The following DDX19B variants were observed in gnomAD, a reference collection of about 807,000 sequenced individuals.
The protein encoded by DDX19B is ATP-dependent RNA helicase DDX19B.
In DDX19B, 27 loss-of-function variants were observed where a neutral mutation model predicts 58.1. The ratio of observed to expected loss-of-function variants is 0.46; its 90% CI spans 0.34 to 0.64. The LOEUF (loss-of-function observed/expected upper bound fraction) is 0.64, where lower values mean the gene tolerates loss of function less well. DDX19B is among the 30% of genes least tolerant of loss of function. The pLI is 0.01. For synonymous variants in DDX19B, 187 were observed against 214.4 expected (o/e 0.87, Z 1.12); for missense variants, 399 against 596.5 (o/e 0.67, Z 3.45).
At chr16:70,327,621 T>C (rs1963240325) in intron 7 of DDX19B, among the ~76,000 whole-genome samples, 1 of 151,610 alleles carries the variant, frequency 6.6e-6, no homozygotes, top group South Asian at 2.1e-4. Flanking sequence ...GGTCTAGAAC[T>C]CCAAGTCTCA....
intron 5 of DDX19B, among the ~76,000 whole-genome samples, chr16:70,318,551 G>A: frequency 6.6e-6 from 1 of 152,146 alleles, no homozygotes; most frequent in Non-Finnish European, 1.5e-5. Context: ...CAGCACTTTG[G>A]GAGGCCGAGG....
intron 2 of DDX19B, among the ~76,000 whole-genome samples, chr16:70,314,041 A>C (rs1057194660): frequency 5.9e-5 from 9 of 152,104 alleles, no homozygotes; most frequent in African/African-American, 2.2e-4. Flanking sequence ...CCTGGGAGGC[A>C]GAGGTTGCAG....
At chr16:70,314,835 T>C in intron 2 of DDX19B, 67 bp from the exon 3 acceptor site, 4 of 1,569,538 alleles carry the variant, frequency 2.5e-6, no homozygotes, top group Non-Finnish European at 3.5e-6. Flanking sequence ...TGTCATAGAA[T>C]TTGAATTGTC....
chr16:70,312,556 C>G (rs183188399), intron 1 of DDX19B, 53 bp from the exon 2 acceptor site: 3 of 1,535,626 alleles, frequency 2.0e-6, no homozygotes, highest in Non-Finnish European at 2.7e-6. Flanking sequence ...GATTCCAAAT[C>G]TTTTTAAGTG....
At chr16:70,325,484 A>C (rs1963091961) in intron 6 of DDX19B, 90 bp from the exon 7 acceptor site, 1 of 806,322 alleles carries the variant, frequency 1.2e-6, no homozygotes, top group Non-Finnish European at 2.1e-6. Flanking sequence ...CTTCAGCTTC[A>C]GCTGGAGGAG....
rs376392454 is a variant in DDX19B, at chr16:70,317,562, C to T, written c.363C>T (p.Asn121=). The stretch of plus-strand genomic sequence containing the variant: ...ATCGTCCATCCAAGATACAAGAGAA[C>T]GCATTGCCACTGATGCTTGCTGAGC... The part of the protein sequence containing the change: ...GFNRPSKIQE[N]ALPLMLAEPP... Residue 121 remains asparagine, a synonymous_variant, in exon 5 of 12, where the codon AAC becomes AAT. Coordinates refer to ENST00000288071, the MANE Select transcript of DDX19B (RefSeq NM_007242.7). 9.8e-5 allele frequency: 158 copies of T among 1,612,782 alleles called. 6 individuals carry two copies. In the South Asian group the frequency reaches 1.5e-3, roughly 15 times the overall value.
upstream of DDX19B, chr16:70,294,776 C>A: frequency 7.9e-7 from 1 of 1,265,284 alleles, no homozygotes; most frequent in Non-Finnish European, 1.0e-6. Context: ...AGGCCTCAGC[C>A]AATGAGGCTC....
chr16:70,326,926 T>C (rs1352171122), intron 7 of DDX19B, among the ~76,000 whole-genome samples: 2 of 151,828 alleles, frequency 1.3e-5, no homozygotes, highest in Non-Finnish European at 2.9e-5. Flanking sequence ...GCTCTGCCTC[T>C]GGGGTTCACA....
At chr16:70,319,411 T>A (rs1161267899) in intron 5 of DDX19B, among the ~76,000 whole-genome samples, 2 of 152,168 alleles carry the variant, frequency 1.3e-5, no homozygotes, top group East Asian at 3.8e-4. Context: ...AAGTGGGGAC[T>A]GAGTGTCAAC....
Position 70,333,642 on chromosome 16 carries a change from G to T in DDX19B, c.*60G>T. 2.5e-6 allele frequency: 4 copies of T among 1,612,972 alleles called. No individual in the cohort carries two copies. Among genetic ancestry groups the T allele is most frequent in the Non-Finnish European group, 3.4e-6 (4 of 1,178,960 alleles). ...CTGCCCCTGCACAGGAGACAAGTGCGTTCAGGGCACAGGCCCCGACATCAC... is the reference window on the plus strand; with the variant it reads ...CTGCCCCTGCACAGGAGACAAGTGCTTTCAGGGCACAGGCCCCGACATCAC... On this transcript the variant is annotated 3_prime_UTR_variant, in exon 12 of 12. Transcript: ENST00000288071.
intron 1 of DDX19B, among the ~76,000 whole-genome samples, chr16:70,309,133 C>G (rs1280427860): frequency 6.6e-6 from 1 of 150,684 alleles, no homozygotes; most frequent in Non-Finnish European, 1.5e-5. Context: ...TTAATGTGTT[C>G]CCTTTCTTTT....
chr16:70,296,035 C>T (rs1259100994), upstream of DDX19B, among the ~76,000 whole-genome samples: 25 of 145,856 alleles, frequency 1.7e-4, no homozygotes, highest in South Asian at 4.4e-4. Flanking sequence ...GACAGAGGCT[C>T]GCTCTGTTGC....
intron 1 of DDX19B, among the ~76,000 whole-genome samples, chr16:70,304,837 T>C (rs1431459568): frequency 6.6e-6 from 1 of 152,126 alleles, no homozygotes; most frequent in Non-Finnish European, 1.5e-5. Flanking sequence ...ACTTCTACTT[T>C]CTTATTTTTA....
At chr16:70,306,179 TCTTA>T (rs1344045973) in intron 1 of DDX19B, among the ~76,000 whole-genome samples, 1 of 151,852 alleles carries the variant, frequency 6.6e-6, no homozygotes, top group Non-Finnish European at 1.5e-5. Context: ...TGAAATAGAG[TCTTA>T]CTTTGTCACC....
At chr16:70,295,450 ATTT>A (rs1555544525), upstream of DDX19B, among the ~76,000 whole-genome samples, 1 of 142,992 alleles carries the variant, frequency 7.0e-6, no homozygotes. Flanking sequence ...CTTAAAAAAA[ATTT>A]TTTTTTTTTT....
chr16:70,297,305 CG>C (rs1178204270), upstream of DDX19B, among the ~76,000 whole-genome samples: 3 of 152,012 alleles, frequency 2.0e-5, no homozygotes, highest in Admixed American at 6.6e-5. Context: ...CTTTGCCTTC[CG>C]GGTTCTAGTG....
intron 1 of DDX19B, among the ~76,000 whole-genome samples, chr16:70,309,185 C>CT (rs1409485444): frequency 2.0e-5 from 3 of 152,062 alleles, no homozygotes; most frequent in African/African-American, 7.2e-5. Context: ...CCAGAAACTT[C>CT]TTGTCCATTT....
intron 5 of DDX19B, chr16:70,319,846 T>C (rs1190839755): frequency 6.6e-6 from 1 of 151,962 alleles, no homozygotes; most frequent in Non-Finnish European, 1.5e-5. Flanking sequence ...GAGCAAAGAT[T>C]GTGCCACTGC....
chr16:70,327,177 G>C (rs1963205302), intron 7 of DDX19B, among the ~76,000 whole-genome samples: 4 of 151,882 alleles, frequency 2.6e-5, no homozygotes, highest in Middle Eastern at 3.4e-3. Context: ...AGGTCACCTA[G>C]GCTGGAGTTC....
Sources: gnomAD v4.1 joint callset for allele counts (sites outside exome capture counted in the v4.1 genomes callset) on GRCh38, gnomAD v4.1.1 for gene constraint, MANE v1.5 for transcripts, NCBI Gene and HGNC (gene_info 2026-07-23, HGNC 2026-07-21) for gene names.